Variants in FSD2 observed in about 807,000 individuals in gnomAD.
The protein encoded by FSD2 is fibronectin type III and SPRY domain containing 2, also known as fibronectin type III and SPRY domain-containing protein 2.
In FSD2, 71 loss-of-function variants were observed where a neutral mutation model predicts 80.4. That is an observed-to-expected ratio of 0.88 (90% CI 0.73 to 1.08). FSD2 has a LOEUF of 1.08. Ranked by LOEUF, FSD2 falls within the 50% of genes least tolerant of loss-of-function variation. FSD2 has a pLI of 0.00. For missense variants in FSD2, 923 were observed against 913.8 expected (o/e 1.01, Z -0.13); for synonymous variants, 361 against 329.5 (o/e 1.10, Z -1.03).
At position 82,765,271 on chromosome 15, in the gene FSD2, G is replaced by C. The variant is rs373266698; in HGVS notation, c.1715C>G (p.Thr572Ser). 5.0e-6 allele frequency: 8 copies of C among 1,613,212 alleles called. No individual in the cohort carries two copies. The African/African-American group carries it at 9.3e-5, about 19-fold the overall frequency. Residue 572 changes from threonine to serine, a missense_variant, in exon 11 of 13, where the codon ACT becomes AGT. Coordinates refer to ENST00000334574, the MANE Select transcript of FSD2 (RefSeq NM_001007122.4). ...AGAAATGGTCAGCCAGGGATGGCAA[G>C]TGTCCTTGTTTAGGCGAAAGTAGCT... ...IGSYFRLNKD[T>S]CHPWLTISED...
intron 1 of FSD2, among the ~76,000 whole-genome samples, chr15:82,794,928 G>A: frequency 6.6e-6 from 1 of 152,158 alleles, no homozygotes; most frequent in Non-Finnish European, 1.5e-5. Context: ...GTTTCACCAT[G>A]TTAGCCATGA....
At chr15:82,763,696 C>T (rs2049341829) in intron 11 of FSD2, among the ~76,000 whole-genome samples, 1 of 152,100 alleles carries the variant, frequency 6.6e-6, no homozygotes, top group African/African-American at 2.4e-5. Flanking sequence ...CTGCCTTTGC[C>T]TTTCCCTCTC....
At chr15:82,793,303 G>C (rs1352598888) in intron 1 of FSD2, among the ~76,000 whole-genome samples, 1 of 151,202 alleles carries the variant, frequency 6.6e-6, no homozygotes, top group Non-Finnish European at 1.5e-5. Flanking sequence ...GTTTCACCAT[G>C]TTGGCCAGGC....
intron 3 of FSD2, among the ~76,000 whole-genome samples, chr15:82,785,001 A>G (rs2049961100): frequency 1.3e-5 from 2 of 152,182 alleles, no homozygotes; most frequent in Admixed American, 1.3e-4. Flanking sequence ...AACACTTACC[A>G]AAAACGGGAT....
intron 1 of FSD2, among the ~76,000 whole-genome samples, chr15:82,797,020 T>TA (rs11286584): frequency 0.014 from 1,404 of 97,126 alleles, 8 homozygotes; most frequent in Non-Finnish European, 0.022. Flanking sequence ...GCTTGGTAAT[T>TA]AAAAAAAAAA....
At position 82,782,855 on chromosome 15, in the gene FSD2, G is replaced by T. The variant is rs1162007858; in HGVS notation, c.906C>A (p.Cys302Ter). The T allele has an allele frequency of 1.9e-6, 3 of 1,613,804 alleles. No individual in the cohort carries two copies. The highest frequency in any genetic ancestry group is 2.5e-6 in the Non-Finnish European group (3 of 1,179,860). ...CCTCTATTGTTTCCATCAGTTCTTT[G>T]CAAGTATCTAGGTTTTCTCCACAGC... ...LVSCGENLDT[C>*]KELMETIEEM... is the part of the protein sequence containing the mutation. The change falls in exon 4 of 13, where the codon TGC becomes TGA. Residue 302 changes from cysteine to a stop codon, truncating the protein, a stop_gained. Transcript: ENST00000334574. LOFTEE classifies it high-confidence loss of function.
intron 6 of FSD2, among the ~76,000 whole-genome samples, chr15:82,778,158 A>ATATATATATATATATATGTATATATATAT (rs1482215584): frequency 2.3e-5 from 3 of 129,064 alleles, no homozygotes; most frequent in African/African-American, 6.6e-5. Flanking sequence ...ATATATATAT[A>ATATATATATATATATATGTATATATATAT]ATAACTATTA....
At chr15:82,770,583 A>G (rs928519251) in intron 7 of FSD2, among the ~76,000 whole-genome samples, 4 of 152,332 alleles carry the variant, frequency 2.6e-5, no homozygotes, top group African/African-American at 9.6e-5. Flanking sequence ...AGGCAGGAGA[A>G]TCACTTGAAC....
At chr15:82,778,158 A>ATATATATATATATATGTATATATATAT (rs1482215584) in intron 6 of FSD2, among the ~76,000 whole-genome samples, 6 of 129,060 alleles carry the variant, frequency 4.6e-5, no homozygotes, top group African/African-American at 2.0e-4. Context: ...ATATATATAT[A>ATATATATATATATATGTATATATATAT]ATAACTATTA....
chr15:82,783,099 TTTTG>T (rs1596249021), intron 3 of FSD2, 74 bp from the exon 4 acceptor site: 11 of 1,134,078 alleles, frequency 9.7e-6, no homozygotes, highest in Non-Finnish European at 1.3e-5. Flanking sequence ...TTTTTTGTTT[TTTTG>T]TTTGTTTGTT....
intron 1 of FSD2, among the ~76,000 whole-genome samples, chr15:82,797,377 T>A (rs970759989): frequency 6.6e-6 from 1 of 152,206 alleles, no homozygotes; most frequent in Non-Finnish European, 1.5e-5. Context: ...ATCAACAAAA[T>A]GAAAAGCGGA....
Position 82,787,614 on chromosome 15 carries a change from A to AT in FSD2, c.-78-147dup, listed in dbSNP as rs200558224. The AT allele has an allele frequency of 6.2e-3, 2,496 of 402,800 alleles. 46 individuals are homozygous for AT. The highest frequency in any genetic ancestry group is 0.047 in the African/African-American group (2,303 of 48,684). 25.0% of individuals were successfully genotyped at this position (402,800 alleles called of 1,614,324 possible). On this transcript the variant is annotated intron_variant, in intron 1 of 12. Coordinates refer to ENST00000334574, the MANE Select transcript of FSD2 (RefSeq NM_001007122.4). ...TTTCACTTTGAACCATCTTTAAAAA[A>AT]TTTGTTTTCTATGGGAGGATGGGCT... is the stretch of plus-strand genomic sequence containing the variant.
chr15:82,763,666 C>T lies in FSD2; in HGVS notation c.1821-1388G>A, dbSNP rs562741659. ...GTAGTCAAGCCCTCCATAGTCTCCT[C>T]TCTGGTCTCTGTTTCCCATCTGCCT... On this transcript the variant is annotated intron_variant, in intron 11 of 12. Transcript: ENST00000334574. Among the ~76,000 whole-genome samples the T allele has an allele frequency of 1.7e-3, 199 of 115,346 alleles. 1 individual carries two copies. The highest frequency in any genetic ancestry group is 5.7e-3 in the Admixed American group (62 of 10,924). The allele number at this position is 115,346 out of a possible 152,430, so 75.7% of individuals were successfully genotyped here.
chr15:82,794,832 C>G (rs1045017869), intron 1 of FSD2, among the ~76,000 whole-genome samples: 1 of 151,538 alleles, frequency 6.6e-6, no homozygotes, highest in Non-Finnish European at 1.5e-5. Flanking sequence ...TCACGCCATT[C>G]TCCTGCCTCA....
At chr15:82,789,081 A>C (rs976269366) in intron 1 of FSD2, among the ~76,000 whole-genome samples, 7 of 152,168 alleles carry the variant, frequency 4.6e-5, no homozygotes, top group African/African-American at 1.7e-4. Context: ...TACAAGGAAA[A>C]AAATTATTTT....
chr15:82,767,899 C>T (rs1475230595), intron 9 of FSD2, among the ~76,000 whole-genome samples: 2 of 152,212 alleles, frequency 1.3e-5, no homozygotes, highest in Admixed American at 6.5e-5. Context: ...CAGGTCAGTG[C>T]ACCCCTGTGT....
At chr15:82,774,222 G>A (rs535177036) in intron 6 of FSD2, among the ~76,000 whole-genome samples, 11 of 152,120 alleles carry the variant, frequency 7.2e-5, no homozygotes, top group African/African-American at 2.2e-4. Context: ...ATAGGTGTAC[G>A]GTGCCACACC....
Position 82,759,134 on chromosome 15 carries a change from C to G in FSD2, c.*214G>C, listed in dbSNP as rs752978619. The G allele has an allele frequency of 1.9e-6, 1 of 536,692 alleles. No homozygotes were observed. The allele number at this position is 536,692 out of a possible 1,614,324, so 33.2% of individuals were successfully genotyped here. ...CTGAGCCTTTATTTTACAGCTGGGCCTGGTAATGACTATCCTAGCAGCACA... is the reference window on the plus strand; with the variant it reads ...CTGAGCCTTTATTTTACAGCTGGGCGTGGTAATGACTATCCTAGCAGCACA... On this transcript the variant is annotated 3_prime_UTR_variant, in exon 13 of 13. Coordinates refer to ENST00000334574, the MANE Select transcript of FSD2 (RefSeq NM_001007122.4).
At chr15:82,803,986 C>T (rs555091140) in intron 1 of FSD2, among the ~76,000 whole-genome samples, 1 of 152,224 alleles carries the variant, frequency 6.6e-6, no homozygotes, top group South Asian at 2.1e-4. Context: ...ACATAATGTA[C>T]TTTATGCATA....
Sources: allele counts gnomAD v4.1 joint callset (sites outside exome capture counted in the v4.1 genomes callset), GRCh38; gene constraint gnomAD v4.1.1; transcripts MANE v1.5; gene names NCBI Gene and HGNC (gene_info 2026-07-23, HGNC 2026-07-21).